TRPM3: variants seen among roughly 807,000 people sequenced by gnomAD.
The protein encoded by TRPM3 is long transient receptor potential channel 3.
A neutral mutation model predicts 181.2 loss-of-function variants in TRPM3; 77 were observed. That is an observed-to-expected ratio of 0.42 (90% CI 0.35 to 0.51). TRPM3 has a LOEUF of 0.51. Among genes scored for constraint, TRPM3 ranks in the 20% least tolerant of loss-of-function variants. The pLI, the probability that TRPM3 is intolerant of heterozygous loss-of-function variation, is 0.01. For missense variants in TRPM3, 1,759 were observed against 2,196.7 expected (o/e 0.80, Z 3.98); for synonymous variants, 745 against 796.4 (o/e 0.94, Z 1.09).
intron 1 of TRPM3, among the ~76,000 whole-genome samples, chr9:71,198,637 G>T (rs999345650): frequency 1.3e-5 from 2 of 151,524 alleles, no homozygotes; most frequent in African/African-American, 2.4e-5. Flanking sequence ...TGAAGCAATT[G>T]TGAATGGGAG....
intron 1 of TRPM3, among the ~76,000 whole-genome samples, chr9:71,212,297 T>C (rs930753122): frequency 2.0e-5 from 3 of 152,130 alleles, no homozygotes; most frequent in African/African-American, 7.2e-5. Flanking sequence ...TTATCTTTTG[T>C]AGAGACTCAC....
intron 1 of TRPM3, among the ~76,000 whole-genome samples, chr9:70,972,174 C>T (rs1162552764): frequency 6.6e-6 from 1 of 152,280 alleles, no homozygotes; most frequent in African/African-American, 2.4e-5. Flanking sequence ...AAAATGCAAA[C>T]TATCCAAATG....
chr9:70,633,263 C>T (rs1002958766), intron 12 of TRPM3, among the ~76,000 whole-genome samples: 12 of 152,308 alleles, frequency 7.9e-5, no homozygotes, highest in Middle Eastern at 3.4e-3. Flanking sequence ...ACAACTATCT[C>T]TCTGAAGAAG....
intron 1 of TRPM3, among the ~76,000 whole-genome samples, chr9:71,400,704 A>C (rs1283345681): frequency 6.6e-6 from 1 of 152,156 alleles, no homozygotes; most frequent in Non-Finnish European, 1.5e-5. Context: ...AAAGAGGTAT[A>C]ATCTACTGCC....
intron 23 of TRPM3, 28 bp from the exon 24 acceptor site, chr9:70,553,071 T>A: frequency 1.2e-6 from 2 of 1,613,852 alleles, no homozygotes; most frequent in Non-Finnish European, 1.7e-6. Flanking sequence ...GAGAATCAAG[T>A]GAGAAAAACC....
intron 1 of TRPM3, among the ~76,000 whole-genome samples, chr9:71,346,378 G>C (rs1238265579): frequency 1.3e-5 from 2 of 152,026 alleles, no homozygotes; most frequent in Non-Finnish European, 1.5e-5. Flanking sequence ...CTGTGTCCTG[G>C]GTTTTAGGAG....
intron 1 of TRPM3, among the ~76,000 whole-genome samples, chr9:71,419,333 CAA>C (rs1302367367): frequency 6.6e-6 from 1 of 151,878 alleles, no homozygotes; most frequent in African/African-American, 2.4e-5. Context: ...ATGAAGAAAA[CAA>C]ATGGCTGTTC....
chr9:70,656,515 T>A (rs1564730683), intron 9 of TRPM3, among the ~76,000 whole-genome samples: 1 of 149,716 alleles, frequency 6.7e-6, no homozygotes. Flanking sequence ...TGAGAACAGC[T>A]TGGAGGTTAG....
chr9:70,864,634 G>C, intron 1 of TRPM3, 123 bp from the exon 2 acceptor site: 1 of 509,940 alleles, frequency 2.0e-6, no homozygotes, highest in Non-Finnish European at 3.2e-6. Context: ...ATCACAAATT[G>C]AACTGAAATT....
chr9:71,073,645 A>T (rs2133593495), intron 1 of TRPM3, among the ~76,000 whole-genome samples: 1 of 150,774 alleles, frequency 6.6e-6, no homozygotes, highest in East Asian at 2.3e-4. Flanking sequence ...TTATCAATAA[A>T]AAAAAAACCC....
intron 1 of TRPM3, among the ~76,000 whole-genome samples, chr9:71,251,562 A>G (rs977662986): frequency 6.6e-6 from 1 of 152,112 alleles, no homozygotes; most frequent in African/African-American, 2.4e-5. Context: ...CTCCAAAGGA[A>G]TTTTTTTAAT....
At chr9:71,388,096 G>T (rs2092970094) in intron 1 of TRPM3, among the ~76,000 whole-genome samples, 1 of 152,070 alleles carries the variant, frequency 6.6e-6, no homozygotes, top group African/African-American at 2.4e-5. Flanking sequence ...GCCACTGTCA[G>T]GAAGATCTTG....
chr9:71,166,407 C>T (rs1478249142), intron 1 of TRPM3, among the ~76,000 whole-genome samples: 2 of 152,094 alleles, frequency 1.3e-5, no homozygotes, highest in African/African-American at 2.4e-5. Flanking sequence ...CCTAGTCTCT[C>T]TAAGGGATTA....
chr9:70,618,993 G>T lies in TRPM3; in HGVS notation c.2232C>A (p.Asn744Lys). The change falls in exon 17 of 26, where the codon AAC becomes AAA. Residue 744 changes from asparagine to lysine, a missense_variant. Around this residue, in one of 8 missense-constraint regions of TRPM3, gnomAD observed 737 missense variants for 957.4 expected, o/e 0.77. Coordinates refer to ENST00000677713, the MANE Select transcript of TRPM3 (RefSeq NM_001366145.2). ...CCACGGCAAGCTGCAGGCACGTGGCGTTGCTCCAGTTCTTCAGCTCATACG... is the reference window on the plus strand; with the variant it reads ...CCACGGCAAGCTGCAGGCACGTGGCTTTGCTCCAGTTCTTCAGCTCATACG... ...LLTYELKNWS[N>K]ATCLQLAVAA... The T allele has an allele frequency of 6.2e-7, 1 of 1,614,212 alleles. No individual in the cohort carries two copies.
chr9:70,828,770 A>G (rs2093713877), intron 5 of TRPM3, among the ~76,000 whole-genome samples: 1 of 146,920 alleles, frequency 6.8e-6, no homozygotes, highest in Non-Finnish European at 1.5e-5. Flanking sequence ...CATGTTATCT[A>G]TATTCCTTGC....
chr9:70,958,120 G>A (rs532265040), intron 1 of TRPM3, among the ~76,000 whole-genome samples: 10 of 152,284 alleles, frequency 6.6e-5, no homozygotes, highest in African/African-American at 2.2e-4. Context: ...AGTGCTCCCT[G>A]ATAATGGCTG....
chr9:71,022,768 T>C (rs2097857096), intron 1 of TRPM3, among the ~76,000 whole-genome samples: 1 of 152,154 alleles, frequency 6.6e-6, no homozygotes, highest in Non-Finnish European at 1.5e-5. Flanking sequence ...CAAACTACCA[T>C]GGCACATGTA....
intron 1 of TRPM3, among the ~76,000 whole-genome samples, chr9:70,951,628 C>T (rs1391673208): frequency 6.6e-6 from 1 of 152,152 alleles, no homozygotes; most frequent in Non-Finnish European, 1.5e-5. Flanking sequence ...AGGCATGAGC[C>T]ACCATGCCTG....
chr9:71,199,262 G>A (rs1375655819), intron 1 of TRPM3, among the ~76,000 whole-genome samples: 1 of 151,720 alleles, frequency 6.6e-6, no homozygotes, highest in African/African-American at 2.4e-5. Flanking sequence ...ATGTGCTGCT[G>A]GATTCAGTTT....
Sources: allele counts gnomAD v4.1 joint callset (sites outside exome capture counted in the v4.1 genomes callset), GRCh38; gene constraint gnomAD v4.1.1; regional missense constraint gnomAD v4.1.1; transcripts MANE v1.5; gene names NCBI Gene and HGNC (gene_info 2026-07-23, HGNC 2026-07-21).